DYM: variants seen among roughly 807,000 people sequenced by gnomAD.
DYM encodes dymeclin.
Under a neutral mutation model 93.1 loss-of-function variants are expected in DYM, and 78 were observed. That is an observed-to-expected ratio of 0.84 (90% confidence interval 0.70 to 1.01). The LOEUF (loss-of-function observed/expected upper bound fraction) is 1.01. DYM is among the 50% of genes least tolerant of loss of function. DYM has a pLI of 0.00. For missense variants in DYM, 789 were observed against 845.0 expected (o/e 0.93, Z 0.82); for synonymous variants, 321 against 319.7 (o/e 1.00, Z -0.04).
At chr18:49,408,966 C>T (rs1417925313) in intron 2 of DYM, among the ~76,000 whole-genome samples, 1 of 152,100 alleles carries the variant, frequency 6.6e-6, no homozygotes, top group African/African-American at 2.4e-5. Flanking sequence ...CAGAAATATT[C>T]AGTTGTGACA....
intron 6 of DYM, among the ~76,000 whole-genome samples, chr18:49,339,331 C>G (rs1047789551): frequency 6.6e-6 from 1 of 152,346 alleles, no homozygotes; most frequent in Non-Finnish European, 1.5e-5. Flanking sequence ...CCAATCATGC[C>G]TGCTTCCTGC....
intron 13 of DYM, among the ~76,000 whole-genome samples, chr18:49,242,813 C>T (rs984212510): frequency 3.3e-5 from 5 of 152,288 alleles, no homozygotes; most frequent in Non-Finnish European, 5.9e-5. Flanking sequence ...CATTCTCCTG[C>T]CTCAGCCTCC....
intron 2 of DYM, among the ~76,000 whole-genome samples, chr18:49,407,844 T>C (rs2071690905): frequency 6.6e-6 from 1 of 152,216 alleles, no homozygotes; most frequent in African/African-American, 2.4e-5. Context: ...TTATACAAGA[T>C]GTTACAGTTA....
At chr18:49,259,776 A>G (rs1286496720) in intron 11 of DYM, among the ~76,000 whole-genome samples, 1 of 152,210 alleles carries the variant, frequency 6.6e-6, no homozygotes. Context: ...AAAGGTGCTG[A>G]GGGTAAAGTG....
intron 2 of DYM, among the ~76,000 whole-genome samples, chr18:49,395,393 G>A (rs1389454923): frequency 6.6e-6 from 1 of 152,162 alleles, no homozygotes; most frequent in Non-Finnish European, 1.5e-5. Flanking sequence ...ACTTTGGGAG[G>A]CTGAGGCAGG....
At chr18:49,423,641 G>A (rs1383051008) in intron 2 of DYM, among the ~76,000 whole-genome samples, 1 of 152,132 alleles carries the variant, frequency 6.6e-6, no homozygotes, top group Non-Finnish European at 1.5e-5. Context: ...AAAATTGATA[G>A]ACCACTAGCA....
intron 17 of DYM, among the ~76,000 whole-genome samples, chr18:49,068,139 G>T (rs1035524054): frequency 6.6e-6 from 1 of 152,204 alleles, no homozygotes; most frequent in Non-Finnish European, 1.5e-5. Flanking sequence ...GGGGACTGTG[G>T]ACTGATATTA....
chr18:49,455,413 A>G (rs2082898638), intron 1 of DYM, among the ~76,000 whole-genome samples: 1 of 152,232 alleles, frequency 6.6e-6, no homozygotes, highest in African/African-American at 2.4e-5. Context: ...AAGTCGAGAA[A>G]TCTAAAGGAA....
At chr18:49,072,608 C>A (rs927898138) in intron 17 of DYM, among the ~76,000 whole-genome samples, 1 of 152,206 alleles carries the variant, frequency 6.6e-6, no homozygotes, top group African/African-American at 2.4e-5. Flanking sequence ...GGTTTGGCAA[C>A]GTGAGAAACC....
chr18:49,355,943 T>C (rs913290611), intron 6 of DYM, among the ~76,000 whole-genome samples: 3 of 152,078 alleles, frequency 2.0e-5, no homozygotes, highest in Non-Finnish European at 4.4e-5. Flanking sequence ...GAGGAAACAT[T>C]TAAAAAGGGA....
At position 49,282,016 on chromosome 18, in the gene DYM, C is replaced by T. The variant is rs201686059; in HGVS notation, c.1106G>A (p.Arg369His). ...NSNIRTYMLA[R>H]TDMENLVLPI... is the part of the protein sequence containing the mutation. The stretch of plus-strand genomic sequence containing the variant: ...ACTTACAAGATTTTCCATATCTGTG[C>T]GAGCCAACATGTATGTTCTAATATT... The change falls in exon 10 of 18, where the codon CGC becomes CAC. Residue 369 changes from arginine to histidine, a missense_variant. By Grantham distance (29) the Arg-to-His change is conservative. This residue lies in a region of DYM where 450 missense variants were observed against 436.2 expected (regional missense o/e 1.03). Coordinates refer to ENST00000675505, the MANE Select transcript of DYM (RefSeq NM_001353214.3). 81 of 1,613,384 alleles carry T rather than the reference C, an allele frequency of 5.0e-5. No homozygotes were observed. Among genetic ancestry groups the T allele is most frequent in the South Asian group, 7.7e-5 (7 of 91,024 alleles).
chr18:49,071,713 C>T (rs1189393439), intron 17 of DYM, among the ~76,000 whole-genome samples: 5 of 152,082 alleles, frequency 3.3e-5, no homozygotes, highest in Admixed American at 6.5e-5. Flanking sequence ...AATGTGAAGC[C>T]GCTCCAAAGG....
intron 13 of DYM, among the ~76,000 whole-genome samples, chr18:49,248,280 G>A (rs1232513824): frequency 6.6e-6 from 1 of 152,144 alleles, no homozygotes; most frequent in Non-Finnish European, 1.5e-5. Flanking sequence ...AATCCATTGG[G>A]CAGGGAATCA....
chr18:49,250,195 A>G (rs2094255633), intron 13 of DYM, among the ~76,000 whole-genome samples: 1 of 152,236 alleles, frequency 6.6e-6, no homozygotes, highest in African/African-American at 2.4e-5. Flanking sequence ...CTATTTATTA[A>G]AAGTCTATTG....
In DYM at chr18:49,037,699, G is replaced by A. The variant is rs945440887; in HGVS notation, c.*6356C>T. On this transcript the variant is annotated 3_prime_UTR_variant, in exon 18 of 18. Transcript: ENST00000675505. ...TATTTCAAATTTCCATTAAGATTCT[G>A]ACAGATGGGTTACCTGGAAATCTAT... is the stretch of plus-strand genomic sequence containing the variant. Among the ~76,000 whole-genome samples, 3 of 152,176 alleles carry A rather than the reference G, an allele frequency of 2.0e-5. No homozygotes were observed. The highest frequency in any genetic ancestry group is 2.0e-4 in the Admixed American group (3 of 15,284).
intron 8 of DYM, 108 bp downstream of exon 8, chr18:49,331,749 CTGCACAA>C: frequency 8.8e-7 from 1 of 1,133,666 alleles, no homozygotes; most frequent in South Asian, 1.3e-5. Context: ...ATTGAACCAG[CTGCACAA>C]ATTCAATGTA....
At chr18:49,084,321 C>T (rs2078306872) in intron 17 of DYM, among the ~76,000 whole-genome samples, 1 of 152,116 alleles carries the variant, frequency 6.6e-6, no homozygotes, top group South Asian at 2.1e-4. Context: ...GGTCAATAAA[C>T]ATATCTGTTT....
intron 5 of DYM, among the ~76,000 whole-genome samples, chr18:49,374,694 C>T (rs1166692448): frequency 6.6e-6 from 1 of 152,188 alleles, no homozygotes; most frequent in African/African-American, 2.4e-5. Context: ...CCCAGTGGCT[C>T]ACACCTGTAA....
At chr18:49,428,881 T>C (rs1033920818) in intron 2 of DYM, among the ~76,000 whole-genome samples, 2 of 152,148 alleles carry the variant, frequency 1.3e-5, no homozygotes, top group Non-Finnish European at 2.9e-5. Flanking sequence ...GAAACATATC[T>C]CAAAAAGTGT....
Sources: allele counts gnomAD v4.1 joint callset (sites outside exome capture counted in the v4.1 genomes callset), GRCh38; gene constraint gnomAD v4.1.1; regional missense constraint gnomAD v4.1.1; transcripts MANE v1.5; gene names NCBI Gene and HGNC (gene_info 2026-07-23, HGNC 2026-07-21).